PCDHA5: variants seen among roughly 807,000 people sequenced by gnomAD.
PCDHA5 encodes protocadherin alpha 5.
In PCDHA5, 43 loss-of-function variants were observed where a neutral mutation model predicts 61.6. The ratio of observed to expected loss-of-function variants is 0.70; its 90% CI spans 0.55 to 0.90. PCDHA5 has a LOEUF of 0.90. PCDHA5 is among the 40% of genes least tolerant of loss of function. The probability of loss-of-function intolerance (pLI) is 0.00; values close to 1 mark genes in which losing one functional copy is unlikely to be tolerated. For synonymous variants in PCDHA5, 627 were observed against 543.9 expected (o/e 1.15, Z -2.13); for missense variants, 1,298 against 1,222.7 (o/e 1.06, Z -0.92).
At chr5:140,835,552 C>G (rs550090383) in intron 1 of PCDHA5, 1 of 1,613,824 alleles carries the variant, frequency 6.2e-7, no homozygotes. Flanking sequence ...TGCTCCCTGA[C>G]GCCCCGCGTT....
intron 1 of PCDHA5, chr5:140,884,355 T>A (rs1562803326): frequency 1.9e-6 from 3 of 1,613,922 alleles, no homozygotes; most frequent in East Asian, 2.2e-5. Context: ...CTGGTGGATG[T>A]CAATGTTTAC....
intron 1 of PCDHA5, chr5:140,882,990 A>T (rs1554176394): frequency 6.2e-7 from 1 of 1,614,130 alleles, no homozygotes; most frequent in Admixed American, 1.7e-5. Context: ...AACGCCCCGG[A>T]ATTTTACCAA....
rs1554151079 is a variant in PCDHA5 at position 140,858,031 on chromosome 5, G to T, written c.2352+33904G>T. 1.2e-5 allele frequency: 19 copies of T among 1,597,102 alleles called. 3 individuals are homozygous for T. The highest frequency in any genetic ancestry group is 1.5e-5 in the Non-Finnish European group (17 of 1,167,242). On this transcript the variant is annotated intron_variant, in intron 1 of 3. Coordinates refer to ENST00000529859, the MANE Select transcript of PCDHA5 (RefSeq NM_018908.3). ...ATGGCGAGCCGTCGCTGACGGCCACGGCCACTGTGCTTGTGTCGCTTGTGG... is the reference window on the plus strand; with the variant it reads ...ATGGCGAGCCGTCGCTGACGGCCACTGCCACTGTGCTTGTGTCGCTTGTGG...
chr5:140,956,775 C>T (rs1176979643), intron 1 of PCDHA5, among the ~76,000 whole-genome samples: 1 of 152,112 alleles, frequency 6.6e-6, no homozygotes, highest in Non-Finnish European at 1.5e-5. Context: ...CTGTCTGGTC[C>T]TGGGCTTTGT....
At chr5:140,942,668 A>G (rs1047486718) in intron 1 of PCDHA5, among the ~76,000 whole-genome samples, 7 of 152,336 alleles carry the variant, frequency 4.6e-5, no homozygotes, top group Admixed American at 2.0e-4. Flanking sequence ...CAATAAGCAC[A>G]AAAGTTTTAG....
intron 1 of PCDHA5, chr5:140,869,878 ACT>A: frequency 6.2e-7 from 1 of 1,610,122 alleles, no homozygotes; most frequent in Non-Finnish European, 8.5e-7. Context: ...TGCTAAAGAA[ACT>A]CTTGTGCTCA....
chr5:140,982,373 T>C, intron 2 of PCDHA5, 102 bp from the exon 3 acceptor site: 1 of 1,559,640 alleles, frequency 6.4e-7, no homozygotes, highest in Non-Finnish European at 8.7e-7. Context: ...ATGTGTTAGC[T>C]GCAGCCCTGG....
intron 1 of PCDHA5, among the ~76,000 whole-genome samples, chr5:140,855,644 T>G (rs1324111294): frequency 6.7e-6 from 1 of 149,848 alleles, no homozygotes; most frequent in Non-Finnish European, 1.5e-5. Context: ...TTGATAATCA[T>G]GTGGTTAGGG....
chr5:140,895,257 T>C (rs1180344268), intron 1 of PCDHA5, among the ~76,000 whole-genome samples: 2 of 152,212 alleles, frequency 1.3e-5, no homozygotes, highest in Non-Finnish European at 1.5e-5. Flanking sequence ...AGCTTTCTTT[T>C]TTTTCTTACT....
At chr5:140,826,923 T>C (rs944702059) in intron 1 of PCDHA5, among the ~76,000 whole-genome samples, 3 of 152,076 alleles carry the variant, frequency 2.0e-5, no homozygotes, top group Non-Finnish European at 4.4e-5. Context: ...GAAAGACAGA[T>C]GGACTTAGGT....
At chr5:140,855,820 T>C (rs2043635230) in intron 1 of PCDHA5, 2 of 529,480 alleles carry the variant, frequency 3.8e-6, no homozygotes, top group South Asian at 3.2e-5. Flanking sequence ...AGTTGTGAAC[T>C]CATGGAATCG....
chr5:140,825,633 G>T (rs1476004064), intron 1 of PCDHA5: 1 of 151,844 alleles, frequency 6.6e-6, no homozygotes, highest in Non-Finnish European at 1.5e-5. Context: ...TGTTGGTCAT[G>T]GTGGTCTCGA....
chr5:140,946,631 T>TATATATATATAC (rs57893927), intron 1 of PCDHA5, among the ~76,000 whole-genome samples: 3,699 of 131,684 alleles, frequency 0.028, 186 homozygotes, highest in East Asian at 0.064. Flanking sequence ...TATATATATA[T>TATATATATATAC]ACAATGGAAT....
At chr5:140,903,321 T>A (rs2070191003) in intron 1 of PCDHA5, among the ~76,000 whole-genome samples, 1 of 152,174 alleles carries the variant, frequency 6.6e-6, no homozygotes, top group Non-Finnish European at 1.5e-5. Flanking sequence ...GACAGCATTT[T>A]TATTGAGGAA....
chr5:140,863,417 G>A (rs182048002), intron 1 of PCDHA5: 5 of 701,164 alleles, frequency 7.1e-6, no homozygotes, highest in Non-Finnish European at 9.9e-6. Flanking sequence ...CTGGTGTACC[G>A]CAGCGTAGTG....
chr5:140,861,130 A>C (rs1554154191), intron 1 of PCDHA5: 1 of 153,606 alleles, frequency 6.5e-6, no homozygotes, highest in Non-Finnish European at 1.4e-5. Flanking sequence ...CATTAAGACC[A>C]CTTGGAACCT....
chr5:140,823,814 G>T lies in PCDHA5; in HGVS notation c.2039G>T (p.Arg680Leu), dbSNP rs2150129341. 1 of 1,613,762 alleles carries T rather than the reference G, an allele frequency of 6.2e-7. No individual in the cohort carries two copies. The highest frequency in any genetic ancestry group is 8.5e-7 in the Non-Finnish European group (1 of 1,179,888). Residue 680 changes from arginine (R) to leucine (L), a missense_variant, in exon 1 of 4, where the codon CGG becomes CTG. Physicochemically the swap from Arg to Leu is moderately radical, Grantham distance 102. Transcript: ENST00000529859. ...GGCCAGGCGCCGAAGGCCTCATCGC[G>T]GGCGTCGGCGGGCGCTGTGGGTCCC... Reference protein sequence around the residue: ...ESGQAPKASSRASAGAVGPEA... With the variant: ...ESGQAPKASSLASAGAVGPEA...
At chr5:140,976,424 G>A (rs2096715736) in intron 1 of PCDHA5, among the ~76,000 whole-genome samples, 1 of 152,114 alleles carries the variant, frequency 6.6e-6, no homozygotes, top group Non-Finnish European at 1.5e-5. Flanking sequence ...GGTGGCAGAT[G>A]CCTGTAATCC....
At chr5:140,852,732 A>G (rs2042454290) in intron 1 of PCDHA5, 4 of 983,854 alleles carry the variant, frequency 4.1e-6, no homozygotes, top group Non-Finnish European at 3.7e-6. Flanking sequence ...TTCAAGTTTC[A>G]TGTGCCATTT....
Sources: gnomAD v4.1 joint callset for allele counts (sites outside exome capture counted in the v4.1 genomes callset) on GRCh38, gnomAD v4.1.1 for gene constraint, MANE v1.5 for transcripts, NCBI Gene and HGNC (gene_info 2026-07-23, HGNC 2026-07-21) for gene names.